PCDH15: variants seen among roughly 807,000 people sequenced by gnomAD.
PCDH15 encodes protocadherin related 15.
Under a neutral mutation model 178.5 loss-of-function variants are expected in PCDH15, and 129 were observed. That is an observed-to-expected ratio of 0.72 (90% CI 0.63 to 0.84). The LOEUF is 0.84. Ranked by LOEUF, PCDH15 falls within the 40% of genes least tolerant of loss-of-function variation. The pLI is 0.00. For missense variants in PCDH15, 2,230 were observed against 2,099.9 expected, an observed-to-expected ratio of 1.06 and a Z score of -1.21; for synonymous variants, 800 against 732.0, an observed-to-expected ratio of 1.09 and a Z score of -1.50.
chr10:55,529,843 A>C (rs779622600), intron 2 of PCDH15, among the ~76,000 whole-genome samples: 4 of 146,256 alleles, frequency 2.7e-5, no homozygotes, highest in Non-Finnish European at 4.5e-5. Context: ...TTAGACTTTC[A>C]TGCATAAAAA....
At chr10:54,999,340 T>C (rs1270280900) in intron 2 of PCDH15, among the ~76,000 whole-genome samples, 1 of 152,100 alleles carries the variant, frequency 6.6e-6, no homozygotes, top group East Asian at 1.9e-4. Flanking sequence ...GGATAGTACA[T>C]TATTTATTTT....
At chr10:54,400,873 G>A (rs1775523651) in intron 3 of PCDH15, among the ~76,000 whole-genome samples, 1 of 151,794 alleles carries the variant, frequency 6.6e-6, no homozygotes, top group African/African-American at 2.4e-5. Flanking sequence ...GAATGATTAT[G>A]TTTTACATAA....
intron 3 of PCDH15, among the ~76,000 whole-genome samples, chr10:54,521,819 G>A (rs1342727440): frequency 3.9e-5 from 6 of 152,058 alleles, no homozygotes; most frequent in Admixed American, 3.9e-4. Flanking sequence ...GCCGGGCGTG[G>A]TGGCTCATGC....
chr10:54,051,434 GTGGTCTCAGC>G (rs1333677656), intron 18 of PCDH15, among the ~76,000 whole-genome samples: 5 of 152,294 alleles, frequency 3.3e-5, no homozygotes, highest in African/African-American at 9.6e-5. Context: ...TCCAGCTGAT[GTGGTCTCAGC>G]TGAAGATGGG....
chr10:54,156,858 C>T (rs1473602897), intron 13 of PCDH15, among the ~76,000 whole-genome samples: 1 of 152,116 alleles, frequency 6.6e-6, no homozygotes, highest in African/African-American at 2.4e-5. Context: ...AGGAACTGGC[C>T]AAAACAAAGG....
At chr10:55,207,636 A>T (rs971792567) in intron 1 of PCDH15, among the ~76,000 whole-genome samples, 1 of 152,082 alleles carries the variant, frequency 6.6e-6, no homozygotes, top group Non-Finnish European at 1.5e-5. Context: ...GTGGGAAGAT[A>T]TTTTTTCTTG....
intron 25 of PCDH15, among the ~76,000 whole-genome samples, chr10:53,935,270 A>T (rs1263599058): frequency 6.6e-6 from 1 of 152,238 alleles, no homozygotes; most frequent in Non-Finnish European, 1.5e-5. Flanking sequence ...AACATAGGAA[A>T]TAGTGTCTCT....
At chr10:55,399,213 C>T (rs1838004150) in intron 2 of PCDH15, among the ~76,000 whole-genome samples, 3 of 151,966 alleles carry the variant, frequency 2.0e-5, no homozygotes, top group Non-Finnish European at 2.9e-5. Flanking sequence ...TATGTCTTTA[C>T]TTAATAGTAA....
chr10:54,841,510 C>G (rs1437667197), intron 3 of PCDH15, among the ~76,000 whole-genome samples: 2 of 151,630 alleles, frequency 1.3e-5, no homozygotes, highest in East Asian at 1.9e-4. Flanking sequence ...GAAAAAAAAT[C>G]TTTTCAGGCC....
At chr10:53,872,975 C>T (rs2079979512) in intron 26 of PCDH15, among the ~76,000 whole-genome samples, 1 of 152,186 alleles carries the variant, frequency 6.6e-6, no homozygotes, top group Non-Finnish European at 1.5e-5. Flanking sequence ...CACTCCCATC[C>T]CTTCTGCATT....
chr10:54,766,908 C>A (rs968505682), intron 1 of PCDH15, among the ~76,000 whole-genome samples: 3 of 151,252 alleles, frequency 2.0e-5, no homozygotes, highest in Admixed American at 6.6e-5. Context: ...CCAGCCTGGG[C>A]GACAGAGCGA....
intron 2 of PCDH15, among the ~76,000 whole-genome samples, chr10:55,157,282 G>A (rs1260521184): frequency 2.6e-5 from 4 of 151,176 alleles, no homozygotes; most frequent in Non-Finnish European, 4.4e-5. Context: ...TTAGAATGGT[G>A]ATCATTAAAA....
intron 3 of PCDH15, among the ~76,000 whole-genome samples, chr10:54,435,797 C>T (rs2075340694): frequency 6.6e-6 from 1 of 151,796 alleles, no homozygotes; most frequent in African/African-American, 2.4e-5. Flanking sequence ...GGTGAAACCC[C>T]ATTTCTACTA....
chr10:54,838,404 C>A (rs1273028411), intron 3 of PCDH15, among the ~76,000 whole-genome samples: 4 of 152,084 alleles, frequency 2.6e-5, no homozygotes, highest in Non-Finnish European at 5.9e-5. Context: ...TTCCCACCTG[C>A]CATTATGCAA....
chr10:54,367,811 G>A (rs1286329246), intron 5 of PCDH15, among the ~76,000 whole-genome samples: 1 of 151,046 alleles, frequency 6.6e-6, no homozygotes, highest in Non-Finnish European at 1.5e-5. Flanking sequence ...ATATATATAT[G>A]TGTATATATG....
chr10:54,396,600 C>T (rs1188977470), intron 3 of PCDH15, among the ~76,000 whole-genome samples: 1 of 152,096 alleles, frequency 6.6e-6, no homozygotes, highest in Non-Finnish European at 1.5e-5. Flanking sequence ...TCTTTTGATA[C>T]ACTTTAATTA....
At chr10:54,771,331 T>A (rs919078877) in intron 1 of PCDH15, among the ~76,000 whole-genome samples, 2 of 152,162 alleles carry the variant, frequency 1.3e-5, no homozygotes, top group Non-Finnish European at 2.9e-5. Context: ...ATAGAAATCA[T>A]GTTGTCAAAG....
At chr10:55,075,537 T>C (rs1841867090) in intron 2 of PCDH15, among the ~76,000 whole-genome samples, 1 of 151,828 alleles carries the variant, frequency 6.6e-6, no homozygotes, top group East Asian at 1.9e-4. Flanking sequence ...AGCTAATTTT[T>C]GTATTTTAGT....
At chr10:55,102,153 T>C (rs1333301745) in intron 2 of PCDH15, among the ~76,000 whole-genome samples, 2 of 152,142 alleles carry the variant, frequency 1.3e-5, no homozygotes, top group Non-Finnish European at 2.9e-5. Context: ...CTGTTTTTTA[T>C]GTTAATAGCT....
Sources: gnomAD v4.1 joint callset for allele counts (sites outside exome capture counted in the v4.1 genomes callset) on GRCh38, gnomAD v4.1.1 for gene constraint, MANE v1.5 for transcripts, NCBI Gene and HGNC (gene_info 2026-07-23, HGNC 2026-07-21) for gene names.